NTM: variants seen among roughly 807,000 people sequenced by gnomAD.
The protein encoded by NTM is IgLON family member 2.
A neutral mutation model predicts 42.1 loss-of-function variants in NTM; 13 were observed. The ratio of observed to expected loss-of-function variants is 0.31; its 90% confidence interval spans 0.20 to 0.49. The LOEUF (loss-of-function observed/expected upper bound fraction) is 0.49. Among genes scored for constraint, NTM ranks in the 20% least tolerant of loss-of-function variants. The pLI is 0.99. For missense variants in NTM, 373 were observed against 452.8 expected, an observed-to-expected ratio of 0.82 and a Z score of 1.60; for synonymous variants, 187 against 179.2, an observed-to-expected ratio of 1.04 and a Z score of -0.35.
At chr11:131,969,841 G>A (rs1299534274) in intron 2 of NTM, among the ~76,000 whole-genome samples, 3 of 152,166 alleles carry the variant, frequency 2.0e-5, no homozygotes, top group Non-Finnish European at 2.9e-5. Flanking sequence ...TTTTGAGACA[G>A]GGTCTTGCTC....
rs530157408 is a variant in NTM, at chr11:131,512,457, C to T, written c.82+141569C>T. Among the ~76,000 whole-genome samples, 39 of 150,432 alleles carry T rather than the reference C, an allele frequency of 2.6e-4. No homozygotes were observed. In the East Asian group the frequency reaches 6.6e-3, roughly 25 times the overall value. On this transcript the variant is annotated intron_variant, in intron 1 of 8. Coordinates refer to ENST00000683400, the MANE Select transcript of NTM (RefSeq NM_001352005.2). ...CTGGAGACAGGCCCATGTGATCTCACCTGGATGGAAAGCCCAGAGGCCGAC... is the reference window on the plus strand; with the variant it reads ...CTGGAGACAGGCCCATGTGATCTCATCTGGATGGAAAGCCCAGAGGCCGAC...
Position 131,598,752 on chromosome 11 carries a change from TTTC to T in NTM, c.82+227870_82+227872del, listed in dbSNP as rs747805885. Among the ~76,000 whole-genome samples, 536 of 64,580 alleles carry T rather than the reference TTTC, an allele frequency of 8.3e-3. 44 individuals are homozygous for T. The highest frequency in any genetic ancestry group is 0.023 in the African/African-American group (453 of 19,466). 42.4% of individuals were successfully genotyped at this position (64,580 alleles called of 152,430 possible). Reference sequence around the variant, plus strand: ...CTTTCTTTCTTTCTTTCTTTCTTTCTTTCTTCTTTCTTTTTTTCTTTCTTTCTT... The same window carrying T: ...CTTTCTTTCTTTCTTTCTTTCTTTCTTTCTTTCTTTTTTTCTTTCTTTCTT... On this transcript the variant is annotated intron_variant, in intron 1 of 8. Coordinates refer to ENST00000683400, the MANE Select transcript of NTM (RefSeq NM_001352005.2).
intron 2 of NTM, among the ~76,000 whole-genome samples, chr11:132,013,140 G>GAAGTC: frequency 1.3e-5 from 2 of 152,262 alleles, no homozygotes; most frequent in Middle Eastern, 3.4e-3. Flanking sequence ...GCAGCTGTGT[G>GAAGTC]AAGTCAACAG....
intron 2 of NTM, among the ~76,000 whole-genome samples, chr11:132,019,100 G>A (rs761971507): frequency 6.6e-6 from 1 of 151,746 alleles, no homozygotes; most frequent in African/African-American, 2.4e-5. Context: ...AACAAAAAAT[G>A]TGTCAGTTTT....
chr11:131,403,251 G>A (rs1945446965), intron 1 of NTM, among the ~76,000 whole-genome samples: 1 of 152,146 alleles, frequency 6.6e-6, no homozygotes, highest in African/African-American at 2.4e-5. Flanking sequence ...AATGGCTCAA[G>A]TCCACCTCTG....
chr11:131,733,206 A>G (rs1193727445), intron 1 of NTM, among the ~76,000 whole-genome samples: 1 of 152,168 alleles, frequency 6.6e-6, no homozygotes, highest in African/African-American at 2.4e-5. Flanking sequence ...AAATTATTTC[A>G]TGTCAGCTAA....
At chr11:131,704,772 A>G (rs927693117) in intron 1 of NTM, among the ~76,000 whole-genome samples, 6 of 152,230 alleles carry the variant, frequency 3.9e-5, no homozygotes, top group Non-Finnish European at 7.3e-5. Flanking sequence ...AAGTTCAACA[A>G]AAAGAAACCA....
At chr11:131,496,440 G>A (rs758743133) in intron 1 of NTM, among the ~76,000 whole-genome samples, 25 of 152,228 alleles carry the variant, frequency 1.6e-4, no homozygotes, top group Admixed American at 9.8e-4. Flanking sequence ...AGCACTCAGC[G>A]TCTTGCTGCA....
At chr11:132,086,807 T>G (rs969665426) in intron 2 of NTM, among the ~76,000 whole-genome samples, 1 of 152,216 alleles carries the variant, frequency 6.6e-6, no homozygotes, top group South Asian at 2.1e-4. Flanking sequence ...GTCAGGCTTC[T>G]GGGTTCTCTT....
chr11:131,865,094 G>A (rs1021782882), intron 1 of NTM, among the ~76,000 whole-genome samples: 2 of 152,170 alleles, frequency 1.3e-5, no homozygotes, highest in African/African-American at 4.8e-5. Context: ...CATTTTCTGG[G>A]CTGTATCATG....
At chr11:131,670,427 A>G (rs1402517937) in intron 1 of NTM, among the ~76,000 whole-genome samples, 1 of 123,544 alleles carries the variant, frequency 8.1e-6, no homozygotes, top group Non-Finnish European at 1.8e-5. Flanking sequence ...ACATTTATTT[A>G]TTTTTGCTAA....
intron 1 of NTM, chr11:131,660,593 C>T (rs1369632283): frequency 2.6e-5 from 12 of 457,542 alleles, no homozygotes; most frequent in Admixed American, 2.4e-4. Flanking sequence ...AACCTTGCTG[C>T]CCACATCTGA....
At chr11:132,295,151 C>G (rs1465950925) in intron 4 of NTM, among the ~76,000 whole-genome samples, 1 of 152,072 alleles carries the variant, frequency 6.6e-6, no homozygotes, top group Non-Finnish European at 1.5e-5. Flanking sequence ...CAAACACACA[C>G]ACACACAGAC....
chr11:132,195,874 A>G (rs1180122199), intron 3 of NTM, among the ~76,000 whole-genome samples: 1 of 152,170 alleles, frequency 6.6e-6, no homozygotes, highest in Non-Finnish European at 1.5e-5. Flanking sequence ...CCAAGAAAAT[A>G]TCCTCCTGGA....
At chr11:131,851,800 G>A (rs2045587750) in intron 1 of NTM, among the ~76,000 whole-genome samples, 1 of 152,070 alleles carries the variant, frequency 6.6e-6, no homozygotes, top group Admixed American at 6.5e-5. Flanking sequence ...CCAAAGCATG[G>A]CCCATAGATT....
chr11:131,746,428 A>T (rs1482345728), intron 1 of NTM, among the ~76,000 whole-genome samples: 10 of 151,546 alleles, frequency 6.6e-5, no homozygotes, highest in African/African-American at 2.4e-4. Flanking sequence ...GGTGTGGCGG[A>T]AGTTTTACAG....
chr11:131,413,398 C>T (rs957507082), intron 1 of NTM, among the ~76,000 whole-genome samples: 5 of 152,168 alleles, frequency 3.3e-5, no homozygotes, highest in African/African-American at 4.8e-5. Flanking sequence ...GTGAAGCCGC[C>T]GGAGTGGTGT....
At chr11:132,150,343 A>G (rs1013011938) in intron 3 of NTM, among the ~76,000 whole-genome samples, 2 of 152,184 alleles carry the variant, frequency 1.3e-5, no homozygotes, top group African/African-American at 2.4e-5. Flanking sequence ...AACTTTCCAC[A>G]TAAGATCTAC....
intron 1 of NTM, among the ~76,000 whole-genome samples, chr11:131,814,152 C>T (rs1421166365): frequency 1.3e-5 from 2 of 152,160 alleles, no homozygotes; most frequent in Non-Finnish European, 2.9e-5. Flanking sequence ...AAAGAATGTG[C>T]TCCCATTGCA....
Sources: allele counts gnomAD v4.1 joint callset (sites outside exome capture counted in the v4.1 genomes callset), GRCh38; gene constraint gnomAD v4.1.1; transcripts MANE v1.5; gene names NCBI Gene and HGNC (gene_info 2026-07-23, HGNC 2026-07-21).